Variants in ABCA8 observed in about 807,000 individuals in gnomAD.
ABCA8 encodes ATP binding cassette subfamily A member 8.
Under a neutral mutation model 192.3 loss-of-function variants are expected in ABCA8, and 177 were observed. The observed-to-expected ratio is 0.92, with a 90% CI of 0.81 to 1.04. The LOEUF (loss-of-function observed/expected upper bound fraction) is 1.04. ABCA8 is among the 50% of genes least tolerant of loss of function. The pLI, the probability that ABCA8 is intolerant of heterozygous loss-of-function variation, is 0.00. For synonymous variants in ABCA8, 642 were observed against 690.2 expected (o/e 0.93, Z 1.09); for missense variants, 1,915 against 1,904.8 (o/e 1.01, Z -0.10).
In ABCA8 at chr17:68,883,792, T is replaced by C. The variant is rs762792977; in HGVS notation, c.3706A>G (p.Arg1236Gly). The change falls in exon 29 of 40, where the codon AGA becomes GGA. Residue 1236 changes from arginine (R) to glycine (G), a missense_variant and splice_region_variant. Transcript: ENST00000586539. ...AAAATCTGATGTGTTTTTTCCAACCTAAAGAAAGGATCCTTTCTCATTGAT... is the reference window on the plus strand; with the variant it reads ...AAAATCTGATGTGTTTTTTCCAACCCAAAGAAAGGATCCTTTCTCATTGAT... ...KKSMRKDPFF[R>G]ISPRSSDVCQ... 7 of 1,562,872 alleles carry C rather than the reference T, an allele frequency of 4.5e-6. No homozygotes were observed. Among genetic ancestry groups the C allele is most frequent in the Admixed American group, 2.0e-5 (1 of 50,668 alleles).
In ABCA8 at chr17:68,907,746, A is replaced by T; in HGVS notation, c.2272T>A (p.Phe758Ile). The T allele has an allele frequency of 6.3e-7, 1 of 1,585,426 alleles. No individual in the cohort carries two copies. The highest frequency in any genetic ancestry group is 8.5e-7 in the Non-Finnish European group (1 of 1,170,188). ...CAGTGTTCATGCACATTACCTGGAA[A>T]TTTATTTGTTCTTTCTAAGGGTAAT... is the stretch of plus-strand genomic sequence containing the variant. The part of the protein sequence containing the change: ...YTLPLERTNK[F>I]PELYKDLDSY... The change falls in exon 18 of 40, where the codon TTT (phenylalanine) becomes ATT (isoleucine). Residue 758 changes from phenylalanine (F) to isoleucine (I), a missense_variant. By Grantham distance (21) the Phe-to-Ile change is conservative (BLOSUM62 0). Transcript: ENST00000586539.
In ABCA8 at chr17:68,919,457, G is replaced by T. The variant is rs4147989; in HGVS notation, c.1632C>A (p.Asn544Lys). 6.2e-6 allele frequency: 10 copies of T among 1,613,668 alleles called. 1 individual carries two copies. The highest frequency in any genetic ancestry group is 8.5e-6 in the Non-Finnish European group (10 of 1,179,814). ...VPTKGSVTIY[N>K]NKLSEMADLE... ...GGTCAGCCATTTCTGAAAGCTTATT[G>T]TTATAGATGGTGACTGAACCTGTAA... The change falls in exon 14 of 40, where the codon AAC becomes AAA. Residue 544 changes from asparagine (N) to lysine (K), a missense_variant. Transcript: ENST00000586539.
At chr17:68,951,036 C>T (rs1050090829) in intron 1 of ABCA8, among the ~76,000 whole-genome samples, 2 of 152,120 alleles carry the variant, frequency 1.3e-5, no homozygotes, top group African/African-American at 4.8e-5. Flanking sequence ...TGAAACCAAG[C>T]TGAGTCCTCT....
intron 19 of ABCA8, 140 bp from the exon 20 acceptor site, chr17:68,903,639 CAGAAATAGA>C: frequency 5.9e-6 from 4 of 683,346 alleles, no homozygotes; most frequent in Non-Finnish European, 9.7e-6. Flanking sequence ...CCTTAAAATA[CAGAAATAGA>C]AGAAATATTT....
At chr17:68,905,272 C>T in intron 19 of ABCA8, among the ~76,000 whole-genome samples, 1 of 152,036 alleles carries the variant, frequency 6.6e-6, no homozygotes, top group Non-Finnish European at 1.5e-5. Flanking sequence ...GGAAATATAA[C>T]CCATAGGGAA....
rs759988499 is a variant in ABCA8 at position 68,877,652 on chromosome 17, C to G, written c.4066G>C (p.Asp1356His). 1 of 1,613,068 alleles carries G rather than the reference C, an allele frequency of 6.2e-7. No homozygotes were observed. The highest frequency in any genetic ancestry group is 1.7e-5 in the Admixed American group (1 of 59,960). The change falls in exon 33 of 40, where the codon GAT becomes CAT. Residue 1356 changes from aspartate to histidine, a missense_variant. Transcript: ENST00000586539. ...CAGTACCCCAGGAACTCCAGGGCATCCCCTCCACCGCTCCCTTTCAGTAGC... is the reference window on the plus strand; with the variant it reads ...CAGTACCCCAGGAACTCCAGGGCATGCCCTCCACCGCTCCCTTTCAGTAGC... Reference protein sequence around the residue: ...QVLLKGSGGGDALEFLGYCPQ... With the variant: ...QVLLKGSGGGHALEFLGYCPQ...
chr17:68,915,706 C>A (rs1205743114), intron 17 of ABCA8, among the ~76,000 whole-genome samples: 1 of 152,050 alleles, frequency 6.6e-6, no homozygotes, highest in Non-Finnish European at 1.5e-5. Flanking sequence ...CCACTATAGA[C>A]AACGTTTTCA....
intron 4 of ABCA8, 88 bp downstream of exon 4, chr17:68,940,670 C>T: frequency 1.6e-6 from 2 of 1,257,580 alleles, no homozygotes; most frequent in African/African-American, 1.5e-5. Context: ...AATTATCAAA[C>T]TGAAATACAA....
intron 5 of ABCA8, 47 bp from the exon 6 acceptor site, chr17:68,933,318 T>C (rs755220099): frequency 8.1e-7 from 1 of 1,227,730 alleles, no homozygotes; most frequent in Non-Finnish European, 1.2e-6. Flanking sequence ...ACTATCTATA[T>C]TATTGAAATA....
rs193195267 is a variant in ABCA8, at chr17:68,904,142, C to T, written c.2399-643G>A. Among the ~76,000 whole-genome samples, 680 of 151,746 alleles carry T rather than the reference C, an allele frequency of 4.5e-3. 9 individuals carry two copies. Among genetic ancestry groups the T allele is most frequent in the African/African-American group, 0.016 (656 of 41,362 alleles). On this transcript the variant is annotated intron_variant, in intron 19 of 39. Coordinates refer to ENST00000586539, the MANE Select transcript of ABCA8 (RefSeq NM_001288985.2). Reference sequence around the variant, plus strand: ...AAGTCCATTAAAAAAATTAGCCGGGCGTGGTGGTGGGCACCTGTAGTCGCA... The same window carrying T: ...AAGTCCATTAAAAAAATTAGCCGGGTGTGGTGGTGGGCACCTGTAGTCGCA...
In ABCA8 at chr17:68,894,886, A is replaced by T; in HGVS notation, c.2892T>A (p.Asn964Lys). The T allele has an allele frequency of 6.2e-7, 1 of 1,611,880 alleles. No homozygotes were observed. The highest frequency in any genetic ancestry group is 1.3e-5 in the African/African-American group (1 of 74,890). The change falls in exon 22 of 40, where the codon AAT becomes AAA. Residue 964 changes from asparagine (N) to lysine (K), a missense_variant. Asn to Lys is a moderately conservative substitution (Grantham distance 94). Transcript: ENST00000586539. ...TTATTAGAGACCTGCATACCTTTTCATTACAACACACTGTGATGGCTCCAT... is the reference window on the plus strand; with the variant it reads ...TTATTAGAGACCTGCATACCTTTTCTTTACAACACACTGTGATGGCTCCAT... ...SYNGAITVCC[N>K]EKNYSFSLAC...
chr17:68,870,312 T>G (rs2066015263), intron 37 of ABCA8, among the ~76,000 whole-genome samples: 1 of 152,210 alleles, frequency 6.6e-6, no homozygotes, highest in Non-Finnish European at 1.5e-5. Context: ...CACTGTGGAC[T>G]TAGTTCTCTT....
rs764475165 is a variant in ABCA8 at position 68,918,509 on chromosome 17, A to G, written c.1826T>C (p.Ile609Thr). 6.6e-7 allele frequency: 1 copy of G among 1,524,040 alleles called. No homozygotes were observed. 94.4% of individuals were successfully genotyped at this position (1,524,040 alleles called of 1,614,324 possible). ...RVLLELEMKN[I>T]QDVLAQNLSG... ...TAAGTTTTGAGCAAGAACATCCTGA[A>G]TATTTTTCATTTCCAATTCCAGCAG... Residue 609 changes from isoleucine to threonine, a missense_variant, in exon 15 of 40, where the codon ATT becomes ACT. Physicochemically the swap from Ile to Thr is moderately conservative, Grantham distance 89. Transcript: ENST00000586539.
At chr17:68,934,238 A>G (rs911959612) in intron 5 of ABCA8, among the ~76,000 whole-genome samples, 44 of 152,078 alleles carry the variant, frequency 2.9e-4, no homozygotes, top group Non-Finnish European at 3.8e-4. Context: ...ATGTAAATCA[A>G]TATATTTATC....
intron 4 of ABCA8, among the ~76,000 whole-genome samples, chr17:68,937,892 GAAT>G (rs763587059): frequency 1.3e-3 from 202 of 151,954 alleles, no homozygotes; most frequent in Non-Finnish European, 2.0e-3. Context: ...ACAGAATATA[GAAT>G]AATATCATTA....
intron 7 of ABCA8, among the ~76,000 whole-genome samples, chr17:68,931,137 T>A (rs553446070): frequency 6.6e-6 from 1 of 152,260 alleles, no homozygotes; most frequent in Admixed American, 6.5e-5. Flanking sequence ...CTAGCTCACA[T>A]CTCACCTCTG....
intron 37 of ABCA8, among the ~76,000 whole-genome samples, chr17:68,874,226 C>A (rs2066144041): frequency 6.6e-6 from 1 of 152,138 alleles, no homozygotes; most frequent in African/African-American, 2.4e-5. Context: ...GGAATTTATA[C>A]TGCATAGTTT....
intron 14 of ABCA8, 100 bp downstream of exon 14, chr17:68,919,201 A>G (rs1007867045): frequency 6.1e-6 from 7 of 1,139,022 alleles, no homozygotes; most frequent in Admixed American, 4.8e-5. Context: ...CAACAATTGT[A>G]CAATGATTTG....
Position 68,911,119 on chromosome 17 carries a change from A to G in ABCA8, c.2139-3240T>C, listed in dbSNP as rs1396125485. On this transcript the variant is annotated intron_variant, in intron 17 of 39. Coordinates refer to ENST00000586539, the MANE Select transcript of ABCA8 (RefSeq NM_001288985.2). The surrounding 1 kb of genome is among the most constrained non-coding windows in gnomAD (Gnocchi z 5.7). ...GGTACCAGCTTAGCTACAGTGGAGT[A>G]GAGAGCACCAAGCGGACTCCTGGGG... Among the ~76,000 whole-genome samples, 2 of 152,154 alleles carry G rather than the reference A, an allele frequency of 1.3e-5. No individual in the cohort carries two copies. Among genetic ancestry groups the G allele is most frequent in the Non-Finnish European group, 2.9e-5 (2 of 68,022 alleles).
Sources: allele counts gnomAD v4.1 joint callset (sites outside exome capture counted in the v4.1 genomes callset), GRCh38; gene constraint gnomAD v4.1.1; non-coding constraint Gnocchi (gnomAD v3.1); transcripts MANE v1.5; gene names NCBI Gene and HGNC (gene_info 2026-07-23, HGNC 2026-07-21).